KSR2: variants seen among roughly 807,000 people sequenced by gnomAD.
KSR2 encodes kinase suppressor of ras 2.
In KSR2, 25 loss-of-function variants were observed where a neutral mutation model predicts 107.8. That is an observed-to-expected ratio of 0.23 (90% CI 0.17 to 0.32). KSR2 has a LOEUF of 0.32. KSR2 is among the 10% of genes least tolerant of loss of function. KSR2 has a pLI of 1.00. For synonymous variants in KSR2, 480 were observed against 507.0 expected (o/e 0.95, Z 0.71); for missense variants, 887 against 1,268.9 (o/e 0.70, Z 4.57).
In KSR2 at chr12:117,485,706, G is replaced by C. The variant is rs772274161; in HGVS notation, c.2220-15C>G. The stretch of plus-strand genomic sequence containing the variant: ...CCTTACAGAGGCTGAAAAGCAAAAG[G>C]ACAAGATAAATTAATGGCAGTCGTT... On this transcript the variant is annotated splice_polypyrimidine_tract_variant and intron_variant, in intron 14 of 19. Coordinates refer to ENST00000339824, the MANE Select transcript of KSR2 (RefSeq NM_173598.6). The C allele has an allele frequency of 2.9e-5, 46 of 1,585,856 alleles. No homozygotes were observed. Among genetic ancestry groups the C allele is most frequent in the South Asian group, 5.5e-5 (5 of 90,462 alleles).
intron 14 of KSR2, among the ~76,000 whole-genome samples, chr12:117,510,875 C>G (rs1227372988): frequency 1.3e-5 from 1 of 78,148 alleles, no homozygotes; most frequent in Admixed American, 1.3e-4. Flanking sequence ...GAGACCCTGT[C>G]TCAAAAAAAA....
intron 3 of KSR2, among the ~76,000 whole-genome samples, chr12:117,767,695 G>C (rs945157704): frequency 6.8e-6 from 1 of 147,530 alleles, no homozygotes; most frequent in Non-Finnish European, 1.5e-5. Flanking sequence ...TGAGGCAGGA[G>C]AACGGCGTGA....
chr12:117,883,648 G>A (rs1344371256), intron 1 of KSR2, among the ~76,000 whole-genome samples: 5 of 152,122 alleles, frequency 3.3e-5, no homozygotes, highest in East Asian at 3.8e-4. Flanking sequence ...GGTATGTTTC[G>A]GGAATTCAGA....
chr12:117,825,982 A>G (rs1262132467), intron 3 of KSR2, among the ~76,000 whole-genome samples: 1 of 143,268 alleles, frequency 7.0e-6, no homozygotes, highest in Admixed American at 6.9e-5. Context: ...TAGGTGGGTG[A>G]ACAGGTGGGT....
At chr12:117,821,421 A>G (rs901300159) in intron 3 of KSR2, among the ~76,000 whole-genome samples, 2 of 152,150 alleles carry the variant, frequency 1.3e-5, no homozygotes, top group African/African-American at 4.8e-5. Context: ...TGAACAGTAA[A>G]TATATTTTCT....
At chr12:117,678,688 A>C (rs944560044) in intron 4 of KSR2, among the ~76,000 whole-genome samples, 1 of 152,130 alleles carries the variant, frequency 6.6e-6, no homozygotes, top group Admixed American at 6.5e-5. Flanking sequence ...CAGCTCTCAG[A>C]GATTGAGCCA....
At chr12:117,542,983 C>T (rs1592975508) in intron 9 of KSR2, among the ~76,000 whole-genome samples, 1 of 152,160 alleles carries the variant, frequency 6.6e-6, no homozygotes, top group East Asian at 1.9e-4. Flanking sequence ...CTGAGTAGTA[C>T]TCTATGATAT....
intron 4 of KSR2, among the ~76,000 whole-genome samples, chr12:117,695,542 CAAA>C (rs770628810): frequency 0.034 from 4,433 of 131,254 alleles, 212 homozygotes; most frequent in African/African-American, 0.12. Flanking sequence ...CCCATTTCTA[CAAA>C]AAAAAAAAAA....
intron 3 of KSR2, among the ~76,000 whole-genome samples, chr12:117,778,244 C>T (rs1178220996): frequency 6.6e-6 from 1 of 152,076 alleles, no homozygotes; most frequent in Non-Finnish European, 1.5e-5. Flanking sequence ...GTGTGAACCA[C>T]CATGCCCAGC....
chr12:117,531,460 G>A (rs1019152468), intron 11 of KSR2, among the ~76,000 whole-genome samples: 19 of 151,926 alleles, frequency 1.3e-4, no homozygotes, highest in Admixed American at 1.2e-3. Context: ...GCCTTTCCAC[G>A]GTGCCTTGGG....
chr12:117,717,213 C>T (rs1887020097), intron 4 of KSR2, among the ~76,000 whole-genome samples: 1 of 152,182 alleles, frequency 6.6e-6, no homozygotes, highest in South Asian at 2.1e-4. Context: ...TTGCACATTG[C>T]CAGCTGCACT....
In KSR2 at chr12:117,571,525, G is replaced by A. The variant is rs115600164; in HGVS notation, c.1325+7594C>T. 6.8e-3 allele frequency among the ~76,000 whole-genome samples: 1,039 copies of A among 152,274 alleles called. 6 individuals are homozygous for A. The highest frequency in any genetic ancestry group is 0.024 in the African/African-American group (998 of 41,548). The stretch of plus-strand genomic sequence containing the variant: ...GGTACCTGGGTGAGGCAGCTGCAAG[G>A]TACGAGCCATTTGCTGCAGCCTCTG... On this transcript the variant is annotated intron_variant, in intron 7 of 19. Transcript: ENST00000339824.
chr12:117,863,355 T>C (rs1893372718), intron 1 of KSR2, among the ~76,000 whole-genome samples: 1 of 152,106 alleles, frequency 6.6e-6, no homozygotes, highest in African/African-American at 2.4e-5. Context: ...TCTGGAAGCC[T>C]CCTGACACTG....
intron 4 of KSR2, among the ~76,000 whole-genome samples, chr12:117,677,900 CT>C (rs1885202521): frequency 6.6e-6 from 1 of 152,094 alleles, no homozygotes. Context: ...GTGGTTCCAT[CT>C]CACAGATGAA....
rs566238087 is a variant in KSR2 at position 117,462,319 on chromosome 12, C to G, written c.*4880G>C. 7.0e-6 allele frequency: 1 copy of G among 142,732 alleles called. No individual in the cohort carries two copies. Among genetic ancestry groups the G allele is most frequent in the Admixed American group, 7.1e-5 (1 of 14,184 alleles). 8.8% of individuals were successfully genotyped at this position (142,732 alleles called of 1,614,324 possible). A position where few individuals can be genotyped will look rare whatever the true frequency, so the allele number is the denominator to read the frequency against. ...ATGAGACTTCATTTGGAGAGAGGGT[C>G]TTTGCAGATATAATTAGTTAAGATG... On this transcript the variant is annotated 3_prime_UTR_variant, in exon 20 of 20. Coordinates refer to ENST00000339824, the MANE Select transcript of KSR2 (RefSeq NM_173598.6).
intron 5 of KSR2, among the ~76,000 whole-genome samples, chr12:117,589,423 G>C (rs540676914): frequency 6.6e-6 from 1 of 152,304 alleles, no homozygotes; most frequent in East Asian, 1.9e-4. Context: ...CTAAAGCTCA[G>C]GTTTGAACCC....
chr12:117,644,796 CT>C (rs574506191), intron 5 of KSR2, among the ~76,000 whole-genome samples: 3 of 152,186 alleles, frequency 2.0e-5, no homozygotes, highest in Non-Finnish European at 4.4e-5. Context: ...ATATTCCCCC[CT>C]GGCCACTCCA....
chr12:117,549,480 G>C (rs1273827250), intron 9 of KSR2, among the ~76,000 whole-genome samples: 1 of 151,994 alleles, frequency 6.6e-6, no homozygotes, highest in Non-Finnish European at 1.5e-5. Context: ...ATGGACATTT[G>C]TCAGCTTATC....
chr12:117,712,566 G>T (rs1304835937), intron 4 of KSR2, among the ~76,000 whole-genome samples: 3 of 152,176 alleles, frequency 2.0e-5, no homozygotes, highest in African/African-American at 7.2e-5. Context: ...CAATGAGCTT[G>T]GTCCCTACCT....
Sources: allele counts gnomAD v4.1 joint callset (sites outside exome capture counted in the v4.1 genomes callset), GRCh38; gene constraint gnomAD v4.1.1; transcripts MANE v1.5; gene names NCBI Gene and HGNC (gene_info 2026-07-23, HGNC 2026-07-21).